FBXO7: variants seen among roughly 807,000 people sequenced by gnomAD.
FBXO7 encodes the protein F-box protein 7.
FBXO7 carries 31 observed loss-of-function variants against 50.2 expected under a neutral mutation model. The ratio of observed to expected loss-of-function variants is 0.62; its 90% confidence interval spans 0.46 to 0.83. The LOEUF is 0.83. Ranked by LOEUF, FBXO7 falls within the 40% of genes least tolerant of loss-of-function variation. The pLI is 0.00. For synonymous variants in FBXO7, 256 were observed against 253.1 expected (o/e 1.01, Z -0.11); for missense variants, 667 against 646.6 (o/e 1.03, Z -0.34).
At chr22:32,495,366 TAG>T (rs1443086578) in intron 7 of FBXO7, 125 bp from the exon 8 acceptor site, 9 of 587,386 alleles carry the variant, frequency 1.5e-5, no homozygotes, top group East Asian at 1.5e-4. Context: ...TATAAATGGT[TAG>T]TTTTTTTTTT....
intron 8 of FBXO7, among the ~76,000 whole-genome samples, chr22:32,496,628 C>G (rs999633442): frequency 5.4e-5 from 8 of 147,862 alleles, no homozygotes; most frequent in African/African-American, 1.9e-4. Flanking sequence ...AGGCCTACTG[C>G]TTATAAAAAA....
At chr22:32,475,534 C>G (rs1871920890) in intron 1 of FBXO7, 1 of 1,068,602 alleles carries the variant, frequency 9.4e-7, no homozygotes. Context: ...TGTGAGGGGT[C>G]CGAGTTAATT....
At chr22:32,478,857 A>G in intron 1 of FBXO7, 124 bp from the exon 2 acceptor site, 1 of 949,640 alleles carries the variant, frequency 1.1e-6, no homozygotes, top group South Asian at 1.4e-5. Flanking sequence ...ACATAGTGAG[A>G]CCTTGTCTCT....
At chr22:32,487,643 C>A in intron 4 of FBXO7, 102 bp from the exon 5 acceptor site, 1 of 747,662 alleles carries the variant, frequency 1.3e-6, no homozygotes, top group Non-Finnish European at 2.4e-6. Context: ...ATAATGTGTC[C>A]TTAGTATATT....
rs2057588184 is a variant in FBXO7 at position 32,498,185 on chromosome 22, A to T, written c.1224A>T (p.Lys408Asn). ...ACATACAAAGAAAAGAATCCCCGAA[A>T]GGGCGGTTTGTGATGCTCCTGCCAT... is the stretch of plus-strand genomic sequence containing the variant. ...KRHIQRKESP[K>N]GRFVMLLPSS... The change falls in exon 9 of 9, where the codon AAA becomes AAT. Residue 408 changes from lysine to asparagine, a missense_variant. Lys to Asn is a moderately conservative substitution (Grantham distance 94). Transcript: ENST00000266087. 1 of 1,614,104 alleles carries T rather than the reference A, an allele frequency of 6.2e-7. No homozygotes were observed. Among genetic ancestry groups the T allele is most frequent in the Non-Finnish European group, 8.5e-7 (1 of 1,180,050 alleles).
rs1190620521 is a variant in FBXO7, at chr22:32,485,163, C to T, written c.741C>T (p.Ser247=). The change falls in exon 4 of 9, where the codon TCC becomes TCT. Residue 247 remains serine, a synonymous_variant. Coordinates refer to ENST00000266087, the MANE Select transcript of FBXO7 (RefSeq NM_012179.4). The part of the protein sequence containing the change: ...QYMHPLCEGS[S]ATLTCVPLGN... ...TGCATCCTCTCTGCGAGGGCAGCTC[C>T]GCTACTCTCACCTGTGTGCCTTTGG... The T allele has an allele frequency of 8.1e-6, 13 of 1,614,132 alleles. No individual in the cohort carries two copies. Among genetic ancestry groups the T allele is most frequent in the Middle Eastern group, 3.3e-4 (2 of 6,062 alleles).
chr22:32,489,331 T>C (rs1387019492), intron 5 of FBXO7: 1 of 152,228 alleles, frequency 6.6e-6, no homozygotes, highest in Non-Finnish European at 1.5e-5. Context: ...TTTGCCCCTG[T>C]TGGAAATGCA....
intron 8 of FBXO7, among the ~76,000 whole-genome samples, chr22:32,495,762 A>G (rs1299671390): frequency 1.3e-5 from 2 of 152,220 alleles, no homozygotes; most frequent in Non-Finnish European, 2.9e-5. Flanking sequence ...ATTATAAAAC[A>G]TTCTTTTTTG....
At chr22:32,482,400 G>A (rs1404619910) in intron 2 of FBXO7, among the ~76,000 whole-genome samples, 1 of 152,018 alleles carries the variant, frequency 6.6e-6, no homozygotes, top group Non-Finnish European at 1.5e-5. Flanking sequence ...AATTTCCTTT[G>A]CCCCTTCTTT....
chr22:32,475,637 C>A, intron 1 of FBXO7: 1 of 529,494 alleles, frequency 1.9e-6, no homozygotes, highest in Non-Finnish European at 3.2e-6. Flanking sequence ...TAGCTTGTAT[C>A]GCTGCTGTGA....
intron 3 of FBXO7, 136 bp downstream of exon 3, chr22:32,484,260 T>C (rs2057484389): frequency 1.3e-6 from 1 of 757,086 alleles, no homozygotes; most frequent in African/African-American, 1.7e-5. Flanking sequence ...TTGGTGAAGT[T>C]CTGGGAGAAA....
chr22:32,485,223 A>G lies in FBXO7; in HGVS notation c.787+14A>G. 1 of 1,614,050 alleles carries G rather than the reference A, an allele frequency of 6.2e-7. No individual in the cohort carries two copies. The highest frequency in any genetic ancestry group is 8.5e-7 in the Non-Finnish European group (1 of 1,179,940). ...TTGTTGTAAATGGTAATTGGATAGC[A>G]TAGTCATGGTTGCTGGTTTATGGAT... On this transcript the variant is annotated intron_variant, in intron 4 of 8. Transcript: ENST00000266087.
At chr22:32,475,430 G>A (rs1467778826) in intron 1 of FBXO7, 1 of 1,608,774 alleles carries the variant, frequency 6.2e-7, no homozygotes, top group Non-Finnish European at 8.5e-7. Context: ...TGCAGTAAAC[G>A]GAACCAGGGA....
intron 8 of FBXO7, 31 bp from the exon 9 acceptor site, chr22:32,498,113 T>C (rs775578892): frequency 1.9e-6 from 3 of 1,611,788 alleles, no homozygotes; most frequent in South Asian, 2.2e-5. Flanking sequence ...ACTTACCTTA[T>C]CTTGTTCTTT....
rs899975411 is a variant in FBXO7, at chr22:32,498,682, C to T, written c.*152C>T. On this transcript the variant is annotated 3_prime_UTR_variant, in exon 9 of 9. Transcript: ENST00000266087. The stretch of plus-strand genomic sequence containing the variant: ...ACCTTTTAAGAGATACATTTATAGC[C>T]CTAGGGGTGGTATGACCCAAAGGTT... 3.2e-6 allele frequency: 3 copies of T among 937,782 alleles called. No individual in the cohort carries two copies. Among genetic ancestry groups the T allele is most frequent in the Non-Finnish European group, 4.8e-6 (3 of 619,788 alleles). 58.1% of individuals were successfully genotyped at this position (937,782 alleles called of 1,614,324 possible). A position where few individuals can be genotyped will look rare whatever the true frequency, so the allele number is the denominator to read the frequency against.
Position 32,479,294 on chromosome 22 carries a change from T to C in FBXO7, c.417+19T>C. 6.2e-7 allele frequency: 1 copy of C among 1,610,812 alleles called. No individual in the cohort carries two copies. Among genetic ancestry groups the C allele is most frequent in the Non-Finnish European group, 8.5e-7 (1 of 1,176,976 alleles). Reference sequence around the variant, plus strand: ...CAGTATGGTGGGTATTAAACACCAATATATCAAATAGAGTAGGTGATAAGT... The same window carrying C: ...CAGTATGGTGGGTATTAAACACCAACATATCAAATAGAGTAGGTGATAAGT... On this transcript the variant is annotated intron_variant, in intron 2 of 8. Transcript: ENST00000266087.
chr22:32,480,858 G>T (rs1167490620), intron 2 of FBXO7, among the ~76,000 whole-genome samples: 2 of 152,030 alleles, frequency 1.3e-5, no homozygotes, highest in African/African-American at 4.8e-5. Flanking sequence ...TAGAGATGGG[G>T]TTTCACCATG....
In FBXO7 at chr22:32,483,904, C is replaced by G. The variant is rs886057421; in HGVS notation, c.425C>G (p.Pro142Arg). 2 of 1,613,748 alleles carry G rather than the reference C, an allele frequency of 1.2e-6. No individual in the cohort carries two copies. Among genetic ancestry groups the G allele is most frequent in the Non-Finnish European group, 1.7e-6 (2 of 1,179,832 alleles). Residue 142 changes from proline to arginine, a missense_variant, in exon 3 of 9, where the codon CCT (proline) becomes CGT (arginine). Pro to Arg is a moderately radical substitution (Grantham distance 103). Coordinates refer to ENST00000266087, the MANE Select transcript of FBXO7 (RefSeq NM_012179.4). The stretch of plus-strand genomic sequence containing the variant: ...TTTGTTTTCCTTTTTCAGTTAGGGC[C>G]TAGTCAAAATTTTGAAGCTGAGTCA... Reference protein sequence around the residue: ...GVWNDDSMLGPSQNFEAESIQ... With the variant: ...GVWNDDSMLGRSQNFEAESIQ...
intron 6 of FBXO7, chr22:32,492,113 A>G (rs1568978315): frequency 6.6e-6 from 1 of 152,220 alleles, no homozygotes; most frequent in African/African-American, 2.4e-5. Flanking sequence ...ATGGGGAAGT[A>G]TAATTATGCG....
Sources: allele counts gnomAD v4.1 joint callset (sites outside exome capture counted in the v4.1 genomes callset), GRCh38; gene constraint gnomAD v4.1.1; transcripts MANE v1.5; gene names NCBI Gene and HGNC (gene_info 2026-07-23, HGNC 2026-07-21).